Variants in ASAP1 observed in about 807,000 individuals in gnomAD.
ASAP1 encodes the protein arf-GAP with SH3 domain, ANK repeat and PH domain-containing protein 1.
In ASAP1, 43 loss-of-function variants were observed where a neutral mutation model predicts 145.2. The observed-to-expected ratio is 0.30, with a 90% CI of 0.23 to 0.38. The LOEUF (loss-of-function observed/expected upper bound fraction) is 0.38. Among genes scored for constraint, ASAP1 ranks in the 10% least tolerant of loss-of-function variants. The pLI, the probability that ASAP1 is intolerant of heterozygous loss-of-function variation, is 1.00. For synonymous variants in ASAP1, 546 were observed against 515.5 expected, an observed-to-expected ratio of 1.06 and a Z score of -0.80; for missense variants, 1,018 against 1,355.3, an observed-to-expected ratio of 0.75 and a Z score of 3.91.
At chr8:130,082,913 T>A (rs1314369530) in intron 25 of ASAP1, 1 of 152,130 alleles carries the variant, frequency 6.6e-6, no homozygotes, top group Admixed American at 6.6e-5. Context: ...GGGCTAGATA[T>A]CAAATCTTAT....
chr8:130,231,084 T>C (rs1817885279), intron 4 of ASAP1, among the ~76,000 whole-genome samples: 1 of 152,202 alleles, frequency 6.6e-6, no homozygotes, highest in African/African-American at 2.4e-5. Flanking sequence ...TACTTTACCT[T>C]TAAAATCCTA....
chr8:130,133,729 A>G (rs898531672), intron 15 of ASAP1, among the ~76,000 whole-genome samples: 1 of 152,102 alleles, frequency 6.6e-6, no homozygotes, highest in Non-Finnish European at 1.5e-5. Context: ...AGTATGTGAT[A>G]CCAACCTGTT....
chr8:130,173,393 A>G (rs985109887), intron 9 of ASAP1, among the ~76,000 whole-genome samples: 1 of 152,182 alleles, frequency 6.6e-6, no homozygotes, highest in Non-Finnish European at 1.5e-5. Flanking sequence ...ACGACCTGCC[A>G]AAACATTTCA....
chr8:130,300,186 A>AGAGAGAGAGC (rs1565186230), intron 3 of ASAP1, among the ~76,000 whole-genome samples: 1 of 146,026 alleles, frequency 6.8e-6, no homozygotes, highest in Non-Finnish European at 1.5e-5. Context: ...AGAGAGAGAG[A>AGAGAGAGAGC]GCGAGCGAGC....
chr8:130,088,452 G>A (rs55756220), intron 25 of ASAP1, among the ~76,000 whole-genome samples: 9,946 of 152,104 alleles, frequency 0.065, 1,101 homozygotes, highest in African/African-American at 0.23. Flanking sequence ...ACACTTATGA[G>A]AGAGAGGCAA....
chr8:130,190,462 G>C (rs1815061713), intron 5 of ASAP1, among the ~76,000 whole-genome samples: 1 of 152,120 alleles, frequency 6.6e-6, no homozygotes, highest in Admixed American at 6.6e-5. Context: ...AGTTGACTGT[G>C]AGCATGTGAA....
At chr8:130,067,183 A>G (rs1406383296) in intron 27 of ASAP1, among the ~76,000 whole-genome samples, 1 of 152,132 alleles carries the variant, frequency 6.6e-6, no homozygotes, top group Non-Finnish European at 1.5e-5. Flanking sequence ...TCCAACATGC[A>G]TGTTGCTGCA....
At chr8:130,324,973 A>C (rs1406568937) in intron 3 of ASAP1, among the ~76,000 whole-genome samples, 2 of 152,056 alleles carry the variant, frequency 1.3e-5, no homozygotes, top group Non-Finnish European at 2.9e-5. Context: ...AGAACAAGGA[A>C]CCCCCAAAAC....
At chr8:130,356,889 C>T (rs1318916311) in intron 3 of ASAP1, among the ~76,000 whole-genome samples, 1 of 152,268 alleles carries the variant, frequency 6.6e-6, no homozygotes, top group African/African-American at 2.4e-5. Context: ...GGGTGGGGGG[C>T]TTACATCAGA....
intron 1 of ASAP1, among the ~76,000 whole-genome samples, chr8:130,437,804 A>G (rs1365513871): frequency 6.6e-6 from 1 of 152,112 alleles, no homozygotes; most frequent in East Asian, 1.9e-4. Flanking sequence ...GATCCTCCCC[A>G]GCTGGCTTCT....
chr8:130,227,162 G>A (rs148955263), intron 4 of ASAP1, among the ~76,000 whole-genome samples: 84 of 152,266 alleles, frequency 5.5e-4, no homozygotes, highest in African/African-American at 1.9e-3. Flanking sequence ...GTAAAATCGA[G>A]ATAATAAAAC....
chr8:130,113,956 A>AT (rs1269420596), intron 23 of ASAP1, among the ~76,000 whole-genome samples: 1 of 151,732 alleles, frequency 6.6e-6, no homozygotes, highest in Non-Finnish European at 1.5e-5. Flanking sequence ...TAATTTTTGT[A>AT]TTTTTTGTAG....
intron 4 of ASAP1, among the ~76,000 whole-genome samples, chr8:130,232,518 T>G (rs1361846392): frequency 1.3e-5 from 2 of 151,978 alleles, no homozygotes; most frequent in African/African-American, 2.4e-5. Flanking sequence ...CAGAATTGAG[T>G]TTTGTGTTGT....
intron 3 of ASAP1, among the ~76,000 whole-genome samples, chr8:130,242,223 C>T (rs993960955): frequency 1.5e-5 from 2 of 137,396 alleles, no homozygotes; most frequent in African/African-American, 2.8e-5. Flanking sequence ...CAGCAAAACA[C>T]CTCTGAAACA....
intron 15 of ASAP1, among the ~76,000 whole-genome samples, chr8:130,131,573 G>A (rs370994927): frequency 1.4e-5 from 2 of 139,678 alleles, no homozygotes; most frequent in South Asian, 2.5e-4. Context: ...AGGCCAGCCT[G>A]GGTAACAACA....
intron 4 of ASAP1, among the ~76,000 whole-genome samples, chr8:130,217,537 TACACACACAC>T (rs71302402): frequency 6.7e-6 from 1 of 148,880 alleles, no homozygotes; most frequent in African/African-American, 2.5e-5. Flanking sequence ...TGTATATATG[TACACACACAC>T]ACACACACAC....
chr8:130,258,050 C>T (rs528692029), intron 3 of ASAP1, among the ~76,000 whole-genome samples: 1 of 152,266 alleles, frequency 6.6e-6, no homozygotes, highest in African/African-American at 2.4e-5. Flanking sequence ...ATCAGCTTTT[C>T]CTATAGAAGG....
At chr8:130,261,755 G>A (rs1387247247) in intron 3 of ASAP1, among the ~76,000 whole-genome samples, 1 of 152,112 alleles carries the variant, frequency 6.6e-6, no homozygotes, top group Non-Finnish European at 1.5e-5. Flanking sequence ...CTACATGGAA[G>A]CCTGTGTGGA....
At chr8:130,352,210 G>GA (rs1309215389) in intron 3 of ASAP1, among the ~76,000 whole-genome samples, 4 of 120,258 alleles carry the variant, frequency 3.3e-5, no homozygotes, top group Non-Finnish European at 6.9e-5. Context: ...TCCTTCCTAA[G>GA]GGTTTTTTTT....
Sources: allele counts gnomAD v4.1 joint callset (sites outside exome capture counted in the v4.1 genomes callset), GRCh38; gene constraint gnomAD v4.1.1; transcripts MANE v1.5; gene names NCBI Gene and HGNC (gene_info 2026-07-23, HGNC 2026-07-21).